Variants in RGS16 observed in about 807,000 individuals in gnomAD.
RGS16 encodes hRGS-r.
In RGS16, 12 loss-of-function variants were observed where a neutral mutation model predicts 18.1. That is an observed-to-expected ratio of 0.66 (90% CI 0.42 to 1.07). The LOEUF (loss-of-function observed/expected upper bound fraction) is 1.07. Ranked by LOEUF, RGS16 falls within the 50% of genes least tolerant of loss-of-function variation. The pLI is 0.00. For synonymous variants in RGS16, 88 were observed against 102.0 expected (o/e 0.86, Z 0.83); for missense variants, 238 against 249.2 (o/e 0.95, Z 0.30).
rs751245810 is a variant in RGS16 at position 182,600,429 on chromosome 1, T to TC, written c.471dup (p.Lys158GlufsTer123). On this transcript the variant is annotated frameshift_variant, in exon 5 of 5. Transcript: ENST00000367558. LOFTEE classifies it low-confidence loss of function (END_TRUNC). The stretch of plus-strand genomic sequence containing the variant: ...TCCTTCTCCATCAGGGTACGTGTCT[T>TC]CCCCTGAGCCGCATCAAAGCATGTG... 2.5e-6 allele frequency: 4 copies of TC among 1,613,964 alleles called. No homozygotes were observed. Among genetic ancestry groups the TC allele is most frequent in the Admixed American group, 1.7e-5 (1 of 60,010 alleles).
chr1:182,600,222 A>G lies in RGS16; in HGVS notation c.*70T>C. 1.8e-6 allele frequency: 2 copies of G among 1,098,874 alleles called. No homozygotes were observed. Among genetic ancestry groups the G allele is most frequent in the Admixed American group, 1.9e-5 (1 of 52,428 alleles). The allele number at this position is 1,098,874 out of a possible 1,614,324, so 68.1% of individuals were successfully genotyped here. A position where few individuals can be genotyped will look rare whatever the true frequency, so the allele number is the denominator to read the frequency against. On this transcript the variant is annotated 3_prime_UTR_variant, in exon 5 of 5. Coordinates refer to ENST00000367558, the MANE Select transcript of RGS16 (RefSeq NM_002928.4). ...GCTTTGCAGAACCTGCCTCCCACAC[A>G]GGGGCAGCCACCTCGGGGATGGGTG...
chr1:182,602,270 T>C (rs1306901657), intron 3 of RGS16, 138 bp from the exon 4 acceptor site: 1 of 1,117,490 alleles, frequency 8.9e-7, no homozygotes. Context: ...CTTTATATGT[T>C]GAATAGAGGC....
At chr1:182,601,603 G>A (rs1284331018) in intron 4 of RGS16, among the ~76,000 whole-genome samples, 1 of 152,252 alleles carries the variant, frequency 6.6e-6, no homozygotes, top group Non-Finnish European at 1.5e-5. Context: ...AGACCAGCAG[G>A]CCTCAGGCAG....
At chr1:182,601,477 C>T (rs923691700) in intron 4 of RGS16, among the ~76,000 whole-genome samples, 1 of 152,174 alleles carries the variant, frequency 6.6e-6, no homozygotes, top group Non-Finnish European at 1.5e-5. Context: ...AAATAAGGTA[C>T]AAAAGTAAGG....
chr1:182,601,840 CA>C, intron 4 of RGS16, 125 bp downstream of exon 4: 1 of 1,169,556 alleles, frequency 8.6e-7, no homozygotes, highest in Non-Finnish European at 1.3e-6. Flanking sequence ...GAAGCCCAGT[CA>C]CCCCTGTGCC....
At chr1:182,600,655 T>C in intron 4 of RGS16, 142 bp from the exon 5 acceptor site, 1 of 676,428 alleles carries the variant, frequency 1.5e-6, no homozygotes, top group Non-Finnish European at 2.7e-6. Flanking sequence ...TCACTAGCTT[T>C]TCAGCTCTGG....
In RGS16 at chr1:182,600,179, T is replaced by TTTC; in HGVS notation, c.*112_*113insGAA. On this transcript the variant is annotated 3_prime_UTR_variant, in exon 5 of 5. Coordinates refer to ENST00000367558, the MANE Select transcript of RGS16 (RefSeq NM_002928.4). Reference sequence around the variant, plus strand: ...GCATTTTTTTTTTTTTTTTTTTTTTTTTTGTCCTCTTGCACTTGCTTTGCA... The same window carrying TTTC: ...GCATTTTTTTTTTTTTTTTTTTTTTTTTCTTTGTCCTCTTGCACTTGCTTTGCA... 1.7e-5 allele frequency: 9 copies of TTTC among 527,268 alleles called. No homozygotes were observed. The highest frequency in any genetic ancestry group is 1.4e-4 in the Admixed American group (4 of 29,274). 32.7% of individuals were successfully genotyped at this position (527,268 alleles called of 1,614,324 possible).
intron 4 of RGS16, 83 bp downstream of exon 4, chr1:182,601,883 C>A: frequency 6.5e-7 from 1 of 1,548,672 alleles, no homozygotes; most frequent in Non-Finnish European, 8.9e-7. Context: ...ACACCTAGCC[C>A]TTCCTCCCCT....
chr1:182,602,264 A>G lies in RGS16; in HGVS notation c.221-132T>C, dbSNP rs958262245. The G allele has an allele frequency of 4.2e-5, 48 of 1,134,324 alleles. No homozygotes were observed. The South Asian group carries it at 6.4e-4, about 15-fold the overall frequency. 70.3% of individuals were successfully genotyped at this position (1,134,324 alleles called of 1,614,324 possible). On this transcript the variant is annotated intron_variant, in intron 3 of 4. Coordinates refer to ENST00000367558, the MANE Select transcript of RGS16 (RefSeq NM_002928.4). ...TTTTCTTGAACAATGACCTGCCTTT[A>G]TATGTTGAATAGAGGCTGGCACACT...
rs1462673614 is a variant in RGS16, at chr1:182,601,993, C to T, written c.360G>A (p.Glu120=). Residue 120 remains glutamate, a synonymous_variant, in exon 4 of 5, where the codon GAG becomes GAA. Transcript: ENST00000367558. ...CTTTAGGGGCCTCACTGCAAATGAACTCCTCAAAGATCTGGTGTGCCCTGG... is the reference window on the plus strand; with the variant it reads ...CTTTAGGGGCCTCACTGCAAATGAATTCCTCAAAGATCTGGTGTGCCCTGG... ...LASRAHQIFE[E]FICSEAPKEV... 1.9e-6 allele frequency: 3 copies of T among 1,614,116 alleles called. No homozygotes were observed. The highest frequency in any genetic ancestry group is 1.7e-5 in the Admixed American group (1 of 60,024).
At position 182,600,002 on chromosome 1, in the gene RGS16, C is replaced by T. The variant is rs1039632743; in HGVS notation, c.*290G>A. Reference sequence around the variant, plus strand: ...CGGTGAGAACGAGAGCCAGTGCTAACCCCCATACCACCTTTTTGCCCCACA... The same window carrying T: ...CGGTGAGAACGAGAGCCAGTGCTAATCCCCATACCACCTTTTTGCCCCACA... On this transcript the variant is annotated 3_prime_UTR_variant, in exon 5 of 5. Coordinates refer to ENST00000367558, the MANE Select transcript of RGS16 (RefSeq NM_002928.4). 2 of 482,826 alleles carry T rather than the reference C, an allele frequency of 4.1e-6. No individual in the cohort carries two copies. The highest frequency in any genetic ancestry group is 3.7e-6 in the Non-Finnish European group (1 of 266,994). The allele number at this position is 482,826 out of a possible 1,614,324, so 29.9% of individuals were successfully genotyped here.
At chr1:182,602,231 G>T in intron 3 of RGS16, 99 bp from the exon 4 acceptor site, 1 of 1,375,484 alleles carries the variant, frequency 7.3e-7, no homozygotes, top group Non-Finnish European at 1.0e-6. Context: ...TCTATTTTTA[G>T]AACATAATTT....
At chr1:182,604,076 G>T in intron 1 of RGS16, 140 bp downstream of exon 1, 2 of 766,062 alleles carry the variant, frequency 2.6e-6, no homozygotes, top group South Asian at 1.7e-5. Flanking sequence ...ATCTGAGCAC[G>T]TGGCATCAAG....
In RGS16 at chr1:182,600,121, G is replaced by C; in HGVS notation, c.*171C>G. 1.6e-6 allele frequency: 1 copy of C among 615,608 alleles called. No individual in the cohort carries two copies. The highest frequency in any genetic ancestry group is 2.0e-5 in the South Asian group (1 of 49,226). 38.1% of individuals were successfully genotyped at this position (615,608 alleles called of 1,614,324 possible). ...CATGAGTCCCACAGTATCTGAAGGA[G>C]AGACTGCTGCTTCCCAAACAGGCTG... On this transcript the variant is annotated 3_prime_UTR_variant, in exon 5 of 5. Coordinates refer to ENST00000367558, the MANE Select transcript of RGS16 (RefSeq NM_002928.4).
chr1:182,601,911 A>C, intron 4 of RGS16, 55 bp downstream of exon 4: 1 of 1,601,382 alleles, frequency 6.2e-7, no homozygotes, highest in South Asian at 1.1e-5. Flanking sequence ...TGATTCTCAG[A>C]GGGGAAGGAG....
At chr1:182,601,108 T>A (rs936364177) in intron 4 of RGS16, among the ~76,000 whole-genome samples, 16 of 152,238 alleles carry the variant, frequency 1.1e-4, no homozygotes, top group African/African-American at 3.6e-4. Context: ...GGCCATTGCA[T>A]TTGCTGCTTC....
At position 182,600,361 on chromosome 1, in the gene RGS16, C is replaced by T. The variant is rs1269539393; in HGVS notation, c.540G>A (p.Leu180=). 1 of 1,613,946 alleles carries T rather than the reference C, an allele frequency of 6.2e-7. No individual in the cohort carries two copies. The highest frequency in any genetic ancestry group is 1.1e-5 in the South Asian group (1 of 91,064). The change falls in exon 5 of 5, where the codon CTG becomes CTA. Residue 180 remains leucine (L), a synonymous_variant. Transcript: ENST00000367558. Reference sequence around the variant, plus strand: ...CAGAGGCGGCTGAGGCTTGGGCAGCCAGGTCCCGGTAAGCAGGCGACTTCA... The same window carrying T: ...CAGAGGCGGCTGAGGCTTGGGCAGCTAGGTCCCGGTAAGCAGGCGACTTCA... ...RFLKSPAYRD[L]AAQASAASAT...
Position 182,599,903 on chromosome 1 carries a change from G to A in RGS16, c.*389C>T, listed in dbSNP as rs548681839. ...AACAGGCAAAACAGCTGATCTGGATGTCTTTCCTCCTCTCATTTTCATGGT... is the reference window on the plus strand; with the variant it reads ...AACAGGCAAAACAGCTGATCTGGATATCTTTCCTCCTCTCATTTTCATGGT... On this transcript the variant is annotated 3_prime_UTR_variant, in exon 5 of 5. Coordinates refer to ENST00000367558, the MANE Select transcript of RGS16 (RefSeq NM_002928.4). 9.3e-6 allele frequency: 2 copies of A among 214,854 alleles called. No homozygotes were observed. The highest frequency in any genetic ancestry group is 7.9e-5 in the South Asian group (1 of 12,696). 13.3% of individuals were successfully genotyped at this position (214,854 alleles called of 1,614,324 possible). A position where few individuals can be genotyped will look rare whatever the true frequency, so the allele number is the denominator to read the frequency against.
chr1:182,601,931 T>C (rs373279307), intron 4 of RGS16, 35 bp downstream of exon 4: 3 of 1,612,480 alleles, frequency 1.9e-6, no homozygotes. Flanking sequence ...GCAGGCAGGG[T>C]CGTGAGGATT....
Sources: allele counts gnomAD v4.1 joint callset (sites outside exome capture counted in the v4.1 genomes callset), GRCh38; gene constraint gnomAD v4.1.1; transcripts MANE v1.5; gene names NCBI Gene and HGNC (gene_info 2026-07-23, HGNC 2026-07-21).